Variants in GRM8 observed in about 807,000 individuals in gnomAD.
The protein encoded by GRM8 is glutamate metabotropic receptor 8.
In GRM8, 47 loss-of-function variants were observed where a neutral mutation model predicts 87.2. The ratio of observed to expected loss-of-function variants is 0.54; its 90% CI spans 0.43 to 0.69. The LOEUF (loss-of-function observed/expected upper bound fraction) is 0.69. Among genes scored for constraint, GRM8 ranks in the 30% least tolerant of loss-of-function variants. GRM8 has a pLI of 0.00. For synonymous variants in GRM8, 396 were observed against 404.5 expected (o/e 0.98, Z 0.25); for missense variants, 1,019 against 1,139.2 (o/e 0.89, Z 1.52).
chr7:126,717,598 A>AGACTTTGTAGTG (rs1448945619), intron 7 of GRM8, among the ~76,000 whole-genome samples: 2 of 152,336 alleles, frequency 1.3e-5, no homozygotes, highest in East Asian at 3.9e-4. Context: ...TCAAATAAGT[A>AGACTTTGTAGTG]GACTTTGTAG....
At chr7:127,163,260 C>A (rs1417754413) in intron 2 of GRM8, among the ~76,000 whole-genome samples, 1 of 152,142 alleles carries the variant, frequency 6.6e-6, no homozygotes, top group Non-Finnish European at 1.5e-5. Flanking sequence ...TAACAGCCTG[C>A]CCTTCTCTCT....
Position 126,446,109 on chromosome 7 carries a change from C to A in GRM8, c.2677+17G>T, listed in dbSNP as rs771488612. On this transcript the variant is annotated intron_variant, in intron 10 of 10. Coordinates refer to ENST00000339582, the MANE Select transcript of GRM8 (RefSeq NM_000845.3). ...TGCTCCCGCTCTTGACCATCGGAAA[C>A]TCTACAGATGACTTACTGTTGGTTT... 6.2e-7 allele frequency: 1 copy of A among 1,612,548 alleles called. No homozygotes were observed. The highest frequency in any genetic ancestry group is 8.5e-7 in the Non-Finnish European group (1 of 1,178,876).
intron 7 of GRM8, among the ~76,000 whole-genome samples, chr7:126,671,797 T>C (rs1806410991): frequency 6.6e-6 from 1 of 152,128 alleles, no homozygotes; most frequent in Admixed American, 6.5e-5. Context: ...TCCACCGAAA[T>C]CCCAGCAAGC....
rs116021654 is a variant in GRM8 at position 126,982,131 on chromosome 7, G to A, written c.728-77448C>T. ...AAAGCTGAAGAATTTGCAGTCCGACGTTCAAGGGCAGGGAGCATCCAGTAA... is the reference window on the plus strand; with the variant it reads ...AAAGCTGAAGAATTTGCAGTCCGACATTCAAGGGCAGGGAGCATCCAGTAA... On this transcript the variant is annotated intron_variant, in intron 3 of 10. Transcript: ENST00000339582. Among the ~76,000 whole-genome samples the A allele has an allele frequency of 3.3e-3, 498 of 152,296 alleles. 4 individuals are homozygous for A. The highest frequency in any genetic ancestry group is 0.011 in the African/African-American group (474 of 41,564).
chr7:126,704,623 G>C (rs1185689377), intron 7 of GRM8, among the ~76,000 whole-genome samples: 1 of 152,130 alleles, frequency 6.6e-6, no homozygotes, highest in Admixed American at 6.6e-5. Context: ...CTGAGAAAGA[G>C]AATGCGCCCC....
chr7:126,803,833 G>A (rs1420375389), intron 6 of GRM8, among the ~76,000 whole-genome samples: 3 of 152,350 alleles, frequency 2.0e-5, no homozygotes, highest in African/African-American at 4.8e-5. Flanking sequence ...ATAACATAGT[G>A]TTAAGGATAC....
intron 9 of GRM8, among the ~76,000 whole-genome samples, chr7:126,483,673 C>T (rs1408044188): frequency 6.6e-6 from 1 of 150,670 alleles, no homozygotes; most frequent in Non-Finnish European, 1.5e-5. Context: ...GCAGCAGTCA[C>T]TACAATGTTT....
intron 3 of GRM8, among the ~76,000 whole-genome samples, chr7:127,082,652 C>G (rs1822991956): frequency 6.6e-6 from 1 of 152,304 alleles, no homozygotes; most frequent in South Asian, 2.1e-4. Flanking sequence ...AAGTAACAAT[C>G]TTAGCTGTTA....
At chr7:126,984,849 C>A (rs1474594710) in intron 3 of GRM8, among the ~76,000 whole-genome samples, 1 of 151,940 alleles carries the variant, frequency 6.6e-6, no homozygotes, top group Non-Finnish European at 1.5e-5. Flanking sequence ...TTATTTTTAC[C>A]ATTTTACTTA....
chr7:126,899,561 A>G (rs1313458589), intron 6 of GRM8, among the ~76,000 whole-genome samples: 2 of 152,136 alleles, frequency 1.3e-5, no homozygotes, highest in East Asian at 3.9e-4. Flanking sequence ...ATCTATATCC[A>G]AATTTAGCAT....
At chr7:127,107,200 T>C in intron 2 of GRM8, among the ~76,000 whole-genome samples, 1 of 152,346 alleles carries the variant, frequency 6.6e-6, no homozygotes, top group South Asian at 2.1e-4. Flanking sequence ...GTCTTAAGAC[T>C]ATATTTTTAG....
intron 6 of GRM8, among the ~76,000 whole-genome samples, chr7:126,819,368 T>C (rs569296936): frequency 3.0e-4 from 46 of 152,038 alleles, no homozygotes; most frequent in South Asian, 1.0e-3. Flanking sequence ...TAATAACCTT[T>C]GAAACCACAT....
At chr7:126,734,223 G>A (rs1180114239) in intron 7 of GRM8, among the ~76,000 whole-genome samples, 1 of 151,792 alleles carries the variant, frequency 6.6e-6, no homozygotes, top group East Asian at 1.9e-4. Flanking sequence ...GTATTTTCTC[G>A]AAGTTGATCT....
intron 8 of GRM8, among the ~76,000 whole-genome samples, chr7:126,559,643 T>C (rs750143574): frequency 3.9e-5 from 6 of 152,174 alleles, no homozygotes; most frequent in Non-Finnish European, 8.8e-5. Context: ...TAACAACTTA[T>C]ACTGGGAAAA....
intron 3 of GRM8, among the ~76,000 whole-genome samples, chr7:126,930,745 T>C (rs1429946113): frequency 6.6e-6 from 1 of 152,230 alleles, no homozygotes; most frequent in Non-Finnish European, 1.5e-5. Context: ...TGTTTTCATG[T>C]GAGCCGAGTA....
intron 3 of GRM8, among the ~76,000 whole-genome samples, chr7:127,100,087 T>G (rs1464059854): frequency 6.6e-6 from 1 of 152,132 alleles, no homozygotes; most frequent in Non-Finnish European, 1.5e-5. Flanking sequence ...AGGGATTCTC[T>G]CCTACAAATT....
intron 3 of GRM8, among the ~76,000 whole-genome samples, chr7:126,948,837 C>T (rs1392073808): frequency 6.6e-6 from 1 of 152,214 alleles, no homozygotes; most frequent in African/African-American, 2.4e-5. Context: ...TGCGTAAATG[C>T]TGTCCTGAAC....
intron 1 of GRM8, among the ~76,000 whole-genome samples, chr7:127,247,577 A>C (rs970732475): frequency 6.6e-6 from 1 of 152,104 alleles, no homozygotes; most frequent in Non-Finnish European, 1.5e-5. Context: ...GTGCATGTCT[A>C]TGGATTCTTG....
intron 8 of GRM8, among the ~76,000 whole-genome samples, chr7:126,599,611 T>A (rs924252146): frequency 6.6e-6 from 1 of 152,106 alleles, no homozygotes; most frequent in African/African-American, 2.4e-5. Flanking sequence ...CTAACTACTA[T>A]GGTCTTTTTG....
Sources: gnomAD v4.1 joint callset for allele counts (sites outside exome capture counted in the v4.1 genomes callset) on GRCh38, gnomAD v4.1.1 for gene constraint, MANE v1.5 for transcripts, NCBI Gene and HGNC (gene_info 2026-07-23, HGNC 2026-07-21) for gene names.